GAK: variants seen among roughly 807,000 people sequenced by gnomAD.
GAK encodes the protein cyclin-G-associated kinase.
Under a neutral mutation model 143.9 loss-of-function variants are expected in GAK, and 79 were observed. The ratio of observed to expected loss-of-function variants is 0.55; its 90% CI spans 0.46 to 0.66. GAK has a LOEUF of 0.66. Ranked by LOEUF, GAK falls within the 30% of genes least tolerant of loss-of-function variation. The pLI, the probability that GAK is intolerant of heterozygous loss-of-function variation, is 0.00. For synonymous variants in GAK, 881 were observed against 765.5 expected, an observed-to-expected ratio of 1.15 and a Z score of -2.49; for missense variants, 1,693 against 1,779.7, an observed-to-expected ratio of 0.95 and a Z score of 0.88.
At chr4:876,415 G>A in intron 18 of GAK, 115 bp downstream of exon 18, 1 of 852,828 alleles carries the variant, frequency 1.2e-6, no homozygotes, top group Non-Finnish European at 1.9e-6. Context: ...GAGCCACCAA[G>A]CAGCAGTCAC....
intron 1 of GAK, among the ~76,000 whole-genome samples, chr4:929,268 C>T (rs1450472325): frequency 6.6e-6 from 1 of 152,222 alleles, no homozygotes; most frequent in African/African-American, 2.4e-5. Flanking sequence ...ACAAGGGCTG[C>T]GGGCTGGCTC....
chr4:871,006 A>G, intron 18 of GAK, 102 bp from the exon 19 acceptor site: 1 of 1,078,470 alleles, frequency 9.3e-7, no homozygotes, highest in South Asian at 1.6e-5. Context: ...TGGCAGCTGC[A>G]GGCAGCGGGG....
intron 18 of GAK, among the ~76,000 whole-genome samples, chr4:871,506 G>A (rs745637012): frequency 2.8e-4 from 42 of 152,342 alleles, no homozygotes; most frequent in Non-Finnish European, 4.9e-4. Flanking sequence ...TCTAGAATCC[G>A]GCTGCCAGGG....
At position 857,678 on chromosome 4, in the gene GAK, T is replaced by C. The variant is rs544454175; in HGVS notation, c.3283+1928A>G. On this transcript the variant is annotated intron_variant, in intron 24 of 27. Transcript: ENST00000314167. ...CCATCCCCCATATCGATGACCTGGG[T>C]CACTCTTCCCAGCAGCCCCGGGAGA... Among the ~76,000 whole-genome samples the C allele has an allele frequency of 3.1e-3, 465 of 152,256 alleles. 2 individuals are homozygous for C. The highest frequency in any genetic ancestry group is 5.1e-3 in the Non-Finnish European group (344 of 68,020).
chr4:890,971 A>T (rs1717526617), intron 9 of GAK, among the ~76,000 whole-genome samples: 1 of 145,708 alleles, frequency 6.9e-6, no homozygotes. Context: ...TTTGGTAGAG[A>T]CAGAGTCTTG....
intron 1 of GAK, among the ~76,000 whole-genome samples, chr4:914,961 C>CCA (rs1249669313): frequency 1.4e-5 from 2 of 140,758 alleles, no homozygotes; most frequent in Admixed American, 7.1e-5. Context: ...GTACACGGCC[C>CCA]CACACACACA....
intron 4 of GAK, among the ~76,000 whole-genome samples, chr4:908,567 G>C (rs1577268286): frequency 1.3e-5 from 2 of 151,858 alleles, no homozygotes; most frequent in East Asian, 3.9e-4. Flanking sequence ...GGTGTTGCTT[G>C]AGCTCGCGTG....
intron 26 of GAK, 157 bp from the exon 27 acceptor site, chr4:850,225 A>G: frequency 1.5e-6 from 1 of 671,140 alleles, no homozygotes; most frequent in Non-Finnish European, 2.5e-6. Context: ...CCTGCCCTCA[A>G]CTATATAGAG....
Position 893,504 on chromosome 4 carries a change from C to A in GAK, c.878-15G>T, listed in dbSNP as rs1311864495. The A allele has an allele frequency of 1.3e-6, 2 of 1,539,598 alleles. No individual in the cohort carries two copies. The highest frequency in any genetic ancestry group is 1.7e-6 in the Non-Finnish European group (2 of 1,147,492). On this transcript the variant is annotated splice_polypyrimidine_tract_variant and intron_variant, in intron 8 of 27. Transcript: ENST00000314167. ...CAGCATGGCGCCTGCAGCAGAAGCA[C>A]AGCGCGCTCGGCCCCACGGTTCCCC...
rs200102404 is a variant in GAK at position 870,701 on chromosome 4, G to C, written c.2248+10C>G. 1 of 1,612,824 alleles carries C rather than the reference G, an allele frequency of 6.2e-7. No individual in the cohort carries two copies. Among genetic ancestry groups the C allele is most frequent in the Non-Finnish European group, 8.5e-7 (1 of 1,179,548 alleles). ...AACAGGGTTCACCTAATTCACCTGCGGGATCTTACCAAACTTAGACAGAAT... is the reference window on the plus strand; with the variant it reads ...AACAGGGTTCACCTAATTCACCTGCCGGATCTTACCAAACTTAGACAGAAT... On this transcript the variant is annotated intron_variant, in intron 19 of 27. Coordinates refer to ENST00000314167, the MANE Select transcript of GAK (RefSeq NM_005255.4).
At chr4:851,515 AG>A (rs1263386185) in intron 25 of GAK, 18 of 589,966 alleles carry the variant, frequency 3.1e-5, no homozygotes, top group East Asian at 2.6e-4. Context: ...AGGGTTGCAA[AG>A]GCCATTTGTT....
chr4:883,204 C>G, intron 13 of GAK, 111 bp downstream of exon 13: 1 of 1,320,296 alleles, frequency 7.6e-7, no homozygotes, highest in Non-Finnish European at 1.0e-6. Context: ...CAGGAGACCT[C>G]CGGCCGCCCC....
rs1291305891 is a variant in GAK, at chr4:849,404, C to T, written c.*269G>A. ...GTGCCGGGGCTCCAGAGGCCACGCCCGAAACACCAAATAAATCACAGACGT... is the reference window on the plus strand; with the variant it reads ...GTGCCGGGGCTCCAGAGGCCACGCCTGAAACACCAAATAAATCACAGACGT... On this transcript the variant is annotated 3_prime_UTR_variant, in exon 28 of 28. Transcript: ENST00000314167. 6.4e-5 allele frequency: 33 copies of T among 518,916 alleles called. No homozygotes were observed. The East Asian group carries it at 6.7e-4, about 11-fold the overall frequency. 32.1% of individuals were successfully genotyped at this position (518,916 alleles called of 1,614,324 possible).
chr4:884,862 G>C lies in GAK; in HGVS notation c.1206-776C>G, dbSNP rs1000912453. Among the ~76,000 whole-genome samples, 4 of 152,348 alleles carry C rather than the reference G, an allele frequency of 2.6e-5. No homozygotes were observed. In the South Asian group the frequency reaches 8.3e-4, roughly 32 times the overall value. On this transcript the variant is annotated intron_variant, in intron 11 of 27. Coordinates refer to ENST00000314167, the MANE Select transcript of GAK (RefSeq NM_005255.4). ...CAACCTCAGCTAGGCACATCGCAGAGGTGCTGTCCCCATCAGAGGAAAGCC... is the reference window on the plus strand; with the variant it reads ...CAACCTCAGCTAGGCACATCGCAGACGTGCTGTCCCCATCAGAGGAAAGCC...
rs376631216 is a variant in GAK at position 856,395 on chromosome 4, TCAC to T, written c.3283+3208_3283+3210del. Among the ~76,000 whole-genome samples, 278 of 75,984 alleles carry T rather than the reference TCAC, an allele frequency of 3.7e-3. 1 individual carries two copies. Among genetic ancestry groups the T allele is most frequent in the East Asian group, 0.013 (49 of 3,690 alleles). 49.8% of individuals were successfully genotyped at this position (75,984 alleles called of 152,430 possible). A position where few individuals can be genotyped will look rare whatever the true frequency, so the allele number is the denominator to read the frequency against. On this transcript the variant is annotated intron_variant, in intron 24 of 27. Coordinates refer to ENST00000314167, the MANE Select transcript of GAK (RefSeq NM_005255.4). ...GCTCACCACAGCTGCTCACACCTGC[TCAC>T]CACCACAGCTGCTCACCACAGCTGC... is the stretch of plus-strand genomic sequence containing the variant.
chr4:917,744 C>G (rs1427026991), intron 1 of GAK, among the ~76,000 whole-genome samples: 1 of 152,238 alleles, frequency 6.6e-6, no homozygotes, highest in Non-Finnish European at 1.5e-5. Flanking sequence ...CACATACATA[C>G]ATGACATGTG....
chr4:900,783 T>G (rs1577232932), intron 5 of GAK, among the ~76,000 whole-genome samples: 1 of 152,062 alleles, frequency 6.6e-6, no homozygotes, highest in East Asian at 1.9e-4. Flanking sequence ...GAATGTACTT[T>G]TAGAAAAGTA....
intron 8 of GAK, among the ~76,000 whole-genome samples, 158 bp from the exon 9 acceptor site, chr4:893,647 G>A (rs992582694): frequency 2.3e-4 from 35 of 152,178 alleles, no homozygotes; most frequent in Non-Finnish European, 4.0e-4. Flanking sequence ...AACAAAAACC[G>A]AACAAAATGA....
intron 1 of GAK, among the ~76,000 whole-genome samples, chr4:930,252 G>C (rs1170626394): frequency 6.6e-6 from 1 of 152,134 alleles, no homozygotes; most frequent in Non-Finnish European, 1.5e-5. Flanking sequence ...GTACTTAGGA[G>C]GCTGCAGGCC....
Sources: allele counts gnomAD v4.1 joint callset (sites outside exome capture counted in the v4.1 genomes callset), GRCh38; gene constraint gnomAD v4.1.1; transcripts MANE v1.5; gene names NCBI Gene and HGNC (gene_info 2026-07-23, HGNC 2026-07-21).